The following OR4Q3 variants were observed in gnomAD, a reference collection of about 807,000 sequenced individuals.
The protein encoded by OR4Q3 is olfactory receptor 4Q3.
OR4Q3 carries 17 observed loss-of-function variants against 18.8 expected under a neutral mutation model. That is an observed-to-expected ratio of 0.91 (90% CI 0.62 to 1.36). The LOEUF (loss-of-function observed/expected upper bound fraction) is 1.36. OR4Q3 is among the 40% of genes most tolerant of loss of function. OR4Q3 has a pLI of 0.00. For missense variants in OR4Q3, 378 were observed against 373.4 expected, an observed-to-expected ratio of 1.01 and a Z score of -0.10; for synonymous variants, 158 against 145.8, an observed-to-expected ratio of 1.08 and a Z score of -0.60.
chr14:19,747,227 G>A, intron 1 of OR4Q3, among the ~76,000 whole-genome samples, 179 bp from the exon 2 acceptor site: 1 of 152,316 alleles, frequency 6.6e-6, no homozygotes, highest in East Asian at 1.9e-4. Context: ...GGAATAAAGA[G>A]TTGGAAGAAA....
exon 2 of OR4Q3, chr14:19,748,072 A>G: frequency 1.9e-5 from 31 of 1,613,914 alleles, no homozygotes; most frequent in Admixed American, 3.3e-5. Flanking sequence ...TCTTGGTCTT[A>G]CTATTCTCTT....
exon 2 of OR4Q3, chr14:19,748,036 C>T: frequency 1.2e-6 from 2 of 1,614,036 alleles, no homozygotes; most frequent in Non-Finnish European, 1.7e-6. Flanking sequence ...TGATAGCCAA[C>T]AGTGGTCTGC....
At chr14:19,749,628 A>G, downstream of OR4Q3, among the ~76,000 whole-genome samples, 3 of 148,904 alleles carry the variant, frequency 2.0e-5, no homozygotes, top group Non-Finnish European at 4.5e-5. Flanking sequence ...AAAAAAAAAA[A>G]AAAAAAGAAA....
chr14:19,751,943 T>C, downstream of OR4Q3, among the ~76,000 whole-genome samples: 167 of 152,350 alleles, frequency 1.1e-3, no homozygotes, highest in African/African-American at 3.8e-3. Context: ...TGGTTTGTCC[T>C]TTGGTTTCTA....
chr14:19,747,602 C>A, exon 2 of OR4Q3: 22 of 1,613,890 alleles, frequency 1.4e-5, no homozygotes, highest in Non-Finnish European at 1.7e-5. Context: ...GCTCCAATCT[C>A]CTATGTATTA....
At chr14:19,746,977 T>C in intron 1 of OR4Q3, among the ~76,000 whole-genome samples, 1 of 152,234 alleles carries the variant, frequency 6.6e-6, no homozygotes, top group Non-Finnish European at 1.5e-5. Context: ...TTATTAACTG[T>C]GCATTAAATT....
chr14:19,745,936 G>T, intron 1 of OR4Q3, among the ~76,000 whole-genome samples: 1 of 152,148 alleles, frequency 6.6e-6, no homozygotes, highest in African/African-American at 2.4e-5. Context: ...AGATGAAGAG[G>T]ATGGTCACAA....
At chr14:19,747,201 A>G in intron 1 of OR4Q3, among the ~76,000 whole-genome samples, 1 of 152,198 alleles carries the variant, frequency 6.6e-6, no homozygotes, top group African/African-American at 2.4e-5. Flanking sequence ...TGTGAATGCA[A>G]TTTAAAAGCA....
At chr14:19,749,991 C>CTT, downstream of OR4Q3, among the ~76,000 whole-genome samples, 27 of 138,138 alleles carry the variant, frequency 2.0e-4, no homozygotes, top group Middle Eastern at 3.6e-3. Flanking sequence ...CTTTCTTCTT[C>CTT]TTTTTTTTTT....
chr14:19,749,991 CT>C, downstream of OR4Q3, among the ~76,000 whole-genome samples: 9 of 138,156 alleles, frequency 6.5e-5, no homozygotes, highest in Admixed American at 1.5e-4. Flanking sequence ...CTTTCTTCTT[CT>C]TTTTTTTTTG....
downstream of OR4Q3, among the ~76,000 whole-genome samples, chr14:19,749,622 A>AAAAAAAG: frequency 6.7e-6 from 1 of 148,890 alleles, no homozygotes; most frequent in Non-Finnish European, 1.5e-5. Flanking sequence ...AAAAAAAAAA[A>AAAAAAAG]AAAAAAAAAA....
At chr14:19,748,305 C>T in exon 2 of OR4Q3, 6 of 1,613,618 alleles carry the variant, frequency 3.7e-6, no homozygotes, top group Non-Finnish European at 3.4e-6. Context: ...CTCAGAAATA[C>T]TGATATGAAG....
chr14:19,749,894 CTTTCTTTCTTTCTTTTTTCTT>C, downstream of OR4Q3, among the ~76,000 whole-genome samples: 1 of 26,534 alleles, frequency 3.8e-5, no homozygotes, highest in African/African-American at 6.4e-5. Flanking sequence ...TTCTTTCTTT[CTTTCTTTCTTTCTTTTTTCTT>C]TCTTTCTTTC....
chr14:19,748,460 CGTT>C, exon 2 of OR4Q3: 1 of 941,110 alleles, frequency 1.1e-6, no homozygotes, highest in Non-Finnish European at 1.6e-6. Context: ...ACTTTGATGA[CGTT>C]GGTATAAAAG....
chr14:19,748,969 G>A, exon 2 of OR4Q3: 375 of 152,796 alleles, frequency 2.5e-3, no homozygotes, highest in Non-Finnish European at 3.5e-3. Context: ...AAGTTTATGC[G>A]TGAGAGAAAG....
At chr14:19,745,504 C>T in intron 1 of OR4Q3, among the ~76,000 whole-genome samples, 1 of 152,162 alleles carries the variant, frequency 6.6e-6, no homozygotes, top group Admixed American at 6.6e-5. Context: ...TAAATTATAA[C>T]ATTGTGTAGG....
chr14:19,749,586 C>G, downstream of OR4Q3: 1 of 13,296 alleles, frequency 7.5e-5, no homozygotes, highest in African/African-American at 2.5e-4. Context: ...GCAACAAAAG[C>G]AAAACTCGGT....
exon 2 of OR4Q3, chr14:19,748,312 G>T: frequency 6.2e-7 from 1 of 1,613,648 alleles, no homozygotes; most frequent in Non-Finnish European, 8.5e-7. Context: ...ATACTGATAT[G>T]AAGACAGCTA....
downstream of OR4Q3, among the ~76,000 whole-genome samples, chr14:19,750,380 C>G: frequency 3.3e-5 from 5 of 152,250 alleles, no homozygotes; most frequent in Non-Finnish European, 7.3e-5. Flanking sequence ...GATTATCCAT[C>G]TCTGACATAG....
Sources: gnomAD v4.1 joint callset for allele counts (sites outside exome capture counted in the v4.1 genomes callset) on GRCh38, gnomAD v4.1.1 for gene constraint, MANE v1.5 for transcripts, NCBI Gene and HGNC (gene_info 2026-07-23, HGNC 2026-07-21) for gene names.